The following PLIN5 variants were observed in gnomAD, a reference collection of about 807,000 sequenced individuals.
PLIN5 encodes perilipin-5.
PLIN5 carries 34 observed loss-of-function variants against 32.8 expected under a neutral mutation model. The ratio of observed to expected loss-of-function variants is 1.04; its 90% CI spans 0.79 to 1.38. PLIN5 has a LOEUF of 1.38. Among genes scored for constraint, PLIN5 ranks in the 40% most tolerant of loss-of-function variants. The probability of loss-of-function intolerance (pLI) is 0.00; values close to 1 mark genes in which losing one functional copy is unlikely to be tolerated. For missense variants in PLIN5, 712 were observed against 660.5 expected, an observed-to-expected ratio of 1.08 and a Z score of -0.85; for synonymous variants, 309 against 292.9, an observed-to-expected ratio of 1.05 and a Z score of -0.56.
At position 4,525,742 on chromosome 19, in the gene PLIN5, A is replaced by C. The variant is rs1320525200; in HGVS notation, c.611T>G (p.Leu204Arg). The C allele has an allele frequency of 6.2e-7, 1 of 1,613,590 alleles. No individual in the cohort carries two copies. Among genetic ancestry groups the C allele is most frequent in the Admixed American group, 1.7e-5 (1 of 60,002 alleles). Residue 204 changes from leucine to arginine, a missense_variant, in exon 6 of 8, where the codon CTG (leucine) becomes CGG (arginine). Coordinates refer to ENST00000381848, the MANE Select transcript of PLIN5 (RefSeq NM_001013706.3). This position sits in a 1 kb window ranked among gnomAD's most constrained non-coding sequence, Gnocchi z 5.6. ...QQGYFVRLGS[L>R]SARIRHLAYE... The stretch of plus-strand genomic sequence containing the variant: ...GGCCAGGTGGCGGATCCGTGCTGAC[A>C]GGGAGCCGAGGCGCACAAAGTAGCC...
intron 3 of PLIN5, among the ~76,000 whole-genome samples, chr19:4,530,439 T>C (rs953062292): frequency 3.3e-5 from 5 of 152,102 alleles, no homozygotes; most frequent in Admixed American, 6.6e-5. Context: ...AAGGATCCTG[T>C]AGTCCCCCGC....
In PLIN5 at chr19:4,525,117, TGGGGGA is replaced by T; in HGVS notation, c.721-47_721-42del. The T allele has an allele frequency of 6.4e-6, 2 of 312,922 alleles. No individual in the cohort carries two copies. The highest frequency in any genetic ancestry group is 4.6e-5 in the African/African-American group (2 of 43,686). The allele number at this position is 312,922 out of a possible 1,614,324, so 19.4% of individuals were successfully genotyped here. A position where few individuals can be genotyped will look rare whatever the true frequency, so the allele number is the denominator to read the frequency against. On this transcript the variant is annotated intron_variant, in intron 6 of 7. Transcript: ENST00000381848. This position sits in a 1 kb window ranked among gnomAD's most constrained non-coding sequence, Gnocchi z 5.6. Reference sequence around the variant, plus strand: ...TGGTGGTCTTCAGAGCTGGGGGAGCTGGGGGAGCTGGGGGTCGGGGTGGGGTCCAGG... The same window carrying T: ...TGGTGGTCTTCAGAGCTGGGGGAGCTGCTGGGGGTCGGGGTGGGGTCCAGG...
intron 3 of PLIN5, among the ~76,000 whole-genome samples, chr19:4,530,164 A>T (rs562411864): frequency 6.6e-6 from 1 of 152,242 alleles, no homozygotes; most frequent in South Asian, 2.1e-4. Context: ...CCTAGACCAC[A>T]GGGGGACCTG....
Position 4,529,250 on chromosome 19 carries a change from C to T in PLIN5, c.343G>A (p.Val115Met). ...PFLQQPSETV[V>M]TSAKDVVASS... ...GCCACCACGTCCTTGGCTGAGGTCA[C>T]CACCTGGAAGGAAGGGCCCCCCCAC... The change falls in exon 5 of 8, where the codon GTG becomes ATG. Residue 115 changes from valine to methionine, a missense_variant. Transcript: ENST00000381848. 6 of 1,599,018 alleles carry T rather than the reference C, an allele frequency of 3.8e-6. No homozygotes were observed. Among genetic ancestry groups the T allele is most frequent in the Non-Finnish European group, 5.1e-6 (6 of 1,171,302 alleles).
rs1445065297 is a variant in PLIN5, at chr19:4,531,694, G to C, written c.189C>G (p.Cys63Trp). 6.4e-7 allele frequency: 1 copy of C among 1,563,542 alleles called. No homozygotes were observed. Among genetic ancestry groups the C allele is most frequent in the Admixed American group, 1.9e-5 (1 of 54,038 alleles). Residue 63 changes from cysteine to tryptophan, a missense_variant, in exon 3 of 8, where the codon TGC becomes TGG. By Grantham distance (215) the Cys-to-Trp change is radical. Transcript: ENST00000381848. ...LGSACRLAENCVCGLTTRALD... is the reference protein window; with the variant it reads ...LGSACRLAENWVCGLTTRALD... Reference sequence around the variant, plus strand: ...GGGCACGGGTGGTCAGGCCGCACACGCAGTTCTCAGCCAGGCGGCAGGCGG... The same window carrying C: ...GGGCACGGGTGGTCAGGCCGCACACCCAGTTCTCAGCCAGGCGGCAGGCGG...
In PLIN5 at chr19:4,531,652, C is replaced by T. The variant is rs2145329496; in HGVS notation, c.231G>A (p.Pro77=). 3.9e-6 allele frequency: 6 copies of T among 1,530,830 alleles called. No homozygotes were observed. The highest frequency in any genetic ancestry group is 4.9e-5 in the East Asian group (2 of 40,640). 94.8% of individuals were successfully genotyped at this position (1,530,830 alleles called of 1,614,324 possible). Residue 77 remains proline, a synonymous_variant, in exon 3 of 8, where the codon CCG becomes CCA. Transcript: ENST00000381848. ...GCTGGGGCTGCAGGTGCTCGAGCAGCGGCTGGGCGTGGTCCAGGGCACGGG... is the reference window on the plus strand; with the variant it reads ...GCTGGGGCTGCAGGTGCTCGAGCAGTGGCTGGGCGTGGTCCAGGGCACGGG... ...LTTRALDHAQ[P]LLEHLQPQLA... is the part of the protein sequence containing the mutation.
chr19:4,523,908 C>A lies in PLIN5; in HGVS notation c.1012G>T (p.Asp338Tyr). ...TAFADARCFR[D>Y]VPAAALAEGR... is the part of the protein sequence containing the mutation. ...TCGGCCAGCGCGGCCGCTGGCACGT[C>A]CCTGAAGCAGCGGGCATCAGCGAAG... The change falls in exon 8 of 8, where the codon GAC (aspartate) becomes TAC (tyrosine). Residue 338 changes from aspartate to tyrosine, a missense_variant. Asp to Tyr is a radical substitution (Grantham distance 160, BLOSUM62 -3). Coordinates refer to ENST00000381848, the MANE Select transcript of PLIN5 (RefSeq NM_001013706.3). The surrounding 1 kb of genome is among the most constrained non-coding windows in gnomAD (Gnocchi z 5.0). 1 of 1,526,528 alleles carries A rather than the reference C, an allele frequency of 6.6e-7. No homozygotes were observed. The highest frequency in any genetic ancestry group is 8.7e-7 in the Non-Finnish European group (1 of 1,146,190). 94.6% of individuals were successfully genotyped at this position (1,526,528 alleles called of 1,614,324 possible).
chr19:4,523,586 T>C lies in PLIN5; in HGVS notation c.1334A>G (p.Glu445Gly). The C allele has an allele frequency of 6.2e-7, 1 of 1,603,696 alleles. No homozygotes were observed. The highest frequency in any genetic ancestry group is 8.5e-7 in the Non-Finnish European group (1 of 1,175,242). The change falls in exon 8 of 8, where the codon GAA becomes GGA. Residue 445 changes from glutamate (E) to glycine (G), a missense_variant. Coordinates refer to ENST00000381848, the MANE Select transcript of PLIN5 (RefSeq NM_001013706.3). This position sits in a 1 kb window ranked among gnomAD's most constrained non-coding sequence, Gnocchi z 5.0. Reference sequence around the variant, plus strand: ...GACCGGGCAGCTGGGGGTCTCGGGTTCCTGCTCGCAGATGTCCCCGGCAAC... The same window carrying C: ...GACCGGGCAGCTGGGGGTCTCGGGTCCCTGCTCGCAGATGTCCCCGGCAAC... ...MGVAGDICEQ[E>G]PETPSCPVKH... is the part of the protein sequence containing the mutation.
intron 3 of PLIN5, 52 bp downstream of exon 3, chr19:4,531,575 G>A (rs1002241864): frequency 2.0e-5 from 29 of 1,450,584 alleles, no homozygotes; most frequent in Admixed American, 4.6e-5. Flanking sequence ...GACAGGGGGC[G>A]GTGGGGGGGT....
chr19:4,530,056 T>C (rs10411813), intron 3 of PLIN5, among the ~76,000 whole-genome samples, 190 bp from the exon 4 acceptor site: 17,032 of 152,100 alleles, frequency 0.11, 3,088 homozygotes, highest in African/African-American at 0.38. Context: ...GGACAGGCTT[T>C]CTGAGACCTT....
chr19:4,527,640 T>C (rs918251931), intron 5 of PLIN5, among the ~76,000 whole-genome samples: 3 of 149,402 alleles, frequency 2.0e-5, no homozygotes, highest in Non-Finnish European at 3.0e-5. Context: ...GTGGCTCACC[T>C]GAGGTCAGGA....
At chr19:4,526,857 C>CAAAAAAAAAAAAAAAAAAAAAA (rs141886356) in intron 5 of PLIN5, among the ~76,000 whole-genome samples, 21 of 138,796 alleles carry the variant, frequency 1.5e-4, no homozygotes, top group African/African-American at 5.5e-4. Flanking sequence ...GACTCCATCT[C>CAAAAAAAAAAAAAAAAAAAAAA]AAAAAAAAAT....
intron 7 of PLIN5, 63 bp from the exon 8 acceptor site, chr19:4,524,148 G>A (rs1452844211): frequency 9.5e-6 from 13 of 1,370,348 alleles, no homozygotes; most frequent in South Asian, 5.0e-5. Flanking sequence ...GTCCTGCCTC[G>A]GTTTCTCTGA....
Position 4,525,004 on chromosome 19 carries a change from C to G in PLIN5, c.793G>C (p.Glu265Gln). The change falls in exon 7 of 8, where the codon GAA becomes CAA. Residue 265 changes from glutamate to glutamine, a missense_variant. By Grantham distance (29) the Glu-to-Gln change is conservative. Coordinates refer to ENST00000381848, the MANE Select transcript of PLIN5 (RefSeq NM_001013706.3). This position sits in a 1 kb window ranked among gnomAD's most constrained non-coding sequence, Gnocchi z 5.6. Reference protein sequence around the residue: ...CPGKVHELWGEWGQRPPESRR... With the variant: ...CPGKVHELWGQWGQRPPESRR... ...CTCTCCGGAGGGCGCTGGCCCCATT[C>G]CCCCCACAGCTCGTGCACCTTCCCA... 1 of 1,516,816 alleles carries G rather than the reference C, an allele frequency of 6.6e-7. No individual in the cohort carries two copies. The allele number at this position is 1,516,816 out of a possible 1,614,324, so 94.0% of individuals were successfully genotyped here.
chr19:4,525,857 C>CACGGGGACAGGATACGGGGACAGGAT lies in PLIN5; in HGVS notation c.521-26_521-25insATCCTGTCCCCGTATCCTGTCCCCGT. On this transcript the variant is annotated intron_variant, in intron 5 of 7. Transcript: ENST00000381848. The surrounding 1 kb of genome is among the most constrained non-coding windows in gnomAD (Gnocchi z 5.6). The stretch of plus-strand genomic sequence containing the variant: ...GCTGGAGGACAGGATACGGGGACAG[C>CACGGGGACAGGATACGGGGACAGGAT]ACGGGGACAGGATACGGGGACAGCA... 4 of 1,539,866 alleles carry CACGGGGACAGGATACGGGGACAGGAT rather than the reference C, an allele frequency of 2.6e-6. No homozygotes were observed. Among genetic ancestry groups the CACGGGGACAGGATACGGGGACAGGAT allele is most frequent in the Middle Eastern group, 1.7e-4 (1 of 5,790 alleles).
chr19:4,529,562 T>TTATACGTATATATACATATATACG (rs1568245236), intron 4 of PLIN5: 2 of 478,282 alleles, frequency 4.2e-6, no homozygotes, highest in Non-Finnish European at 7.1e-6. Context: ...ACATATATAC[T>TTATACGTATATATACATATATACG]TATACGTATA....
At chr19:4,533,184 C>T (rs1395267973) in intron 2 of PLIN5, 1 of 151,988 alleles carries the variant, frequency 6.6e-6, no homozygotes, top group Non-Finnish European at 1.5e-5. Flanking sequence ...CAACCCCCGC[C>T]TTCAGGGTTC....
At chr19:4,529,608 TATACACACACAC>T (rs1458369604) in intron 4 of PLIN5, 164 bp downstream of exon 4, 1 of 328,492 alleles carries the variant, frequency 3.0e-6, no homozygotes, top group South Asian at 4.0e-5. Context: ...TACATATATG[TATACACACACAC>T]ACACACACAC....
chr19:4,529,511 T>C (rs1390160222), intron 4 of PLIN5: 2 of 534,182 alleles, frequency 3.7e-6, no homozygotes, highest in Non-Finnish European at 6.6e-6. Context: ...CATATATACA[T>C]GTATATATAC....
Sources: allele counts gnomAD v4.1 joint callset (sites outside exome capture counted in the v4.1 genomes callset), GRCh38; gene constraint gnomAD v4.1.1; non-coding constraint Gnocchi (gnomAD v3.1); transcripts MANE v1.5; gene names NCBI Gene and HGNC (gene_info 2026-07-23, HGNC 2026-07-21).